The following GPRC6A variants were observed in gnomAD, a reference collection of about 807,000 sequenced individuals.
GPRC6A encodes G protein-coupled receptor family C group 6 member A.
A neutral mutation model predicts 47.0 loss-of-function variants in GPRC6A; 54 were observed. The ratio of observed to expected loss-of-function variants is 1.15; its 90% confidence interval spans 0.92 to 1.44. The LOEUF (loss-of-function observed/expected upper bound fraction) is 1.44. Among genes scored for constraint, GPRC6A ranks in the 40% most tolerant of loss-of-function variants. The pLI, the probability that GPRC6A is intolerant of heterozygous loss-of-function variation, is 0.00. For missense variants in GPRC6A, 1,112 were observed against 1,105.5 expected (o/e 1.01, Z -0.08); for synonymous variants, 347 against 377.1 (o/e 0.92, Z 0.93).
In GPRC6A at chr6:116,793,030, T is replaced by C. The variant is rs1377456953; in HGVS notation, c.1893A>G (p.Arg631=). 3.1e-6 allele frequency: 5 copies of C among 1,614,072 alleles called. No homozygotes were observed. Among genetic ancestry groups the C allele is most frequent in the Admixed American group, 1.7e-5 (1 of 59,998 alleles). ...TPVVKSSGGL[R]VCYVILLCHF... is the part of the protein sequence containing the mutation. ...GACAGAGAAGGATCACATAGCAGAC[T>C]CTTAATCCCCCGGATGATTTCACAA... The change falls in exon 6 of 6, where the codon AGA becomes AGG. Residue 631 remains arginine, a synonymous_variant. Transcript: ENST00000310357.
chr6:116,796,777 G>A (rs1407476003), intron 4 of GPRC6A, among the ~76,000 whole-genome samples: 1 of 152,134 alleles, frequency 6.6e-6, no homozygotes, highest in Non-Finnish European at 1.5e-5. Context: ...TTGCTGACCT[G>A]GGTTTTCAGC....
chr6:116,795,063 A>T (rs1041341103), intron 5 of GPRC6A, among the ~76,000 whole-genome samples: 1 of 152,152 alleles, frequency 6.6e-6, no homozygotes, highest in Admixed American at 6.5e-5. Flanking sequence ...GAAAGTGCTC[A>T]TAGTTTCTTT....
At chr6:116,804,599 ATC>A in intron 3 of GPRC6A, among the ~76,000 whole-genome samples, 1 of 152,058 alleles carries the variant, frequency 6.6e-6, no homozygotes, top group South Asian at 2.1e-4. Flanking sequence ...TTCCTTTCTA[ATC>A]TGTTTCTGTT....
chr6:116,826,219 T>C (rs1271897253), intron 1 of GPRC6A, among the ~76,000 whole-genome samples: 2 of 151,572 alleles, frequency 1.3e-5, no homozygotes, highest in African/African-American at 4.8e-5. Context: ...AAAATCTCTA[T>C]ATAGGAAAGG....
At chr6:116,820,920 TC>T (rs1401259499) in intron 1 of GPRC6A, among the ~76,000 whole-genome samples, 7 of 152,184 alleles carry the variant, frequency 4.6e-5, no homozygotes, top group African/African-American at 1.7e-4. Context: ...AATCAAATTG[TC>T]CCTGTTTGCA....
chr6:116,816,691 G>C (rs1030262932), intron 1 of GPRC6A, among the ~76,000 whole-genome samples: 1 of 152,248 alleles, frequency 6.6e-6, no homozygotes, highest in Non-Finnish European at 1.5e-5. Context: ...CACCGTGCGC[G>C]AACCGAAGCA....
chr6:116,816,678 A>G (rs777868214), intron 1 of GPRC6A, among the ~76,000 whole-genome samples: 8 of 152,240 alleles, frequency 5.3e-5, no homozygotes, highest in Non-Finnish European at 1.0e-4. Flanking sequence ...CAGTGGGTGC[A>G]CGCACCGTGC....
chr6:116,807,142 G>C lies in GPRC6A; in HGVS notation c.563C>G (p.Thr188Ser). 1 of 1,613,550 alleles carries C rather than the reference G, an allele frequency of 6.2e-7. No homozygotes were observed. ...AATTTGATGGAAGTCACTGGGCACA[G>C]TCCGTAAAAATGAAGGAAAGCGAAT... ...DKIRFPSFLR[T>S]VPSDFHQIKA... is the part of the protein sequence containing the mutation. Residue 188 changes from threonine (T) to serine (S), a missense_variant, in exon 3 of 6, where the codon ACT becomes AGT. Coordinates refer to ENST00000310357, the MANE Select transcript of GPRC6A (RefSeq NM_148963.4).
At chr6:116,800,457 G>A (rs1772635077) in intron 4 of GPRC6A, 127 bp downstream of exon 4, 1 of 501,644 alleles carries the variant, frequency 2.0e-6, no homozygotes, top group African/African-American at 2.0e-5. Flanking sequence ...ACACTGATTA[G>A]GCAGAAACTT....
In GPRC6A at chr6:116,821,496, C is replaced by T. The variant is rs1482126072; in HGVS notation, c.194+7324G>A. Reference sequence around the variant, plus strand: ...GACAGTAACCAAAACAGCATGGTACCGGTACCAAAACAGAGATATAGATCA... The same window carrying T: ...GACAGTAACCAAAACAGCATGGTACTGGTACCAAAACAGAGATATAGATCA... On this transcript the variant is annotated intron_variant, in intron 1 of 5. Coordinates refer to ENST00000310357, the MANE Select transcript of GPRC6A (RefSeq NM_148963.4). Among the ~76,000 whole-genome samples the T allele has an allele frequency of 2.0e-3, 310 of 151,548 alleles. 4 individuals are homozygous for T. The highest frequency in any genetic ancestry group is 6.0e-3 in the African/African-American group (244 of 41,000).
intron 2 of GPRC6A, among the ~76,000 whole-genome samples, chr6:116,808,275 T>C (rs929733891): frequency 3.9e-5 from 6 of 152,152 alleles, no homozygotes; most frequent in Non-Finnish European, 7.4e-5. Flanking sequence ...TTCTTAAAAT[T>C]AGTGTTACCC....
chr6:116,798,322 A>T lies in GPRC6A; in HGVS notation c.1548+2262T>A, dbSNP rs148552527. Among the ~76,000 whole-genome samples the T allele has an allele frequency of 9.4e-3, 1,431 of 152,318 alleles. 10 individuals carry two copies. Among genetic ancestry groups the T allele is most frequent in the Non-Finnish European group, 0.015 (1,020 of 68,026 alleles). On this transcript the variant is annotated intron_variant, in intron 4 of 5. Coordinates refer to ENST00000310357, the MANE Select transcript of GPRC6A (RefSeq NM_148963.4). ...AGAAAATTAACCACATGAACATCAGAGAAAATTATTATAGGCAAAGGAAAT... is the reference window on the plus strand; with the variant it reads ...AGAAAATTAACCACATGAACATCAGTGAAAATTATTATAGGCAAAGGAAAT...
At chr6:116,817,108 C>G (rs987162583) in intron 1 of GPRC6A, among the ~76,000 whole-genome samples, 10 of 152,074 alleles carry the variant, frequency 6.6e-5, no homozygotes, top group Admixed American at 3.9e-4. Flanking sequence ...AAAAAGACAG[C>G]AGTAACCTCT....
rs200871005 is a variant in GPRC6A at position 116,792,308 on chromosome 6, T to C, written c.2615A>G (p.Asp872Gly). Residue 872 changes from aspartate to glycine, a missense_variant, in exon 6 of 6, where the codon GAC becomes GGC. Coordinates refer to ENST00000310357, the MANE Select transcript of GPRC6A (RefSeq NM_148963.4). ...CATTGTGACATTGCCGCTCATGGAGTCCAGTGAAGCAGGACTCAGGGCAAT... is the reference window on the plus strand; with the variant it reads ...CATTGTGACATTGCCGCTCATGGAGCCCAGTGAAGCAGGACTCAGGGCAAT... ...SSIALSPASL[D>G]SMSGNVTMTN... 1.2e-5 allele frequency: 20 copies of C among 1,613,934 alleles called. No homozygotes were observed. In the East Asian group the frequency reaches 4.2e-4, roughly 34 times the overall value.
At chr6:116,814,718 G>T (rs1773148415) in intron 1 of GPRC6A, among the ~76,000 whole-genome samples, 1 of 151,782 alleles carries the variant, frequency 6.6e-6, no homozygotes, top group Non-Finnish European at 1.5e-5. Flanking sequence ...AAACCTGCAA[G>T]TTGTGCACAT....
chr6:116,819,040 A>C (rs1427246802), intron 1 of GPRC6A, among the ~76,000 whole-genome samples: 2 of 152,178 alleles, frequency 1.3e-5, no homozygotes, highest in African/African-American at 4.8e-5. Context: ...AAAACAAAAA[A>C]AGGCAGGGGT....
chr6:116,827,093 G>C (rs563993077), intron 1 of GPRC6A, among the ~76,000 whole-genome samples: 2 of 151,676 alleles, frequency 1.3e-5, no homozygotes, highest in Non-Finnish European at 2.9e-5. Context: ...TAGGTTAGTG[G>C]GTATAAACAT....
chr6:116,802,586 T>A (rs1468407623), intron 3 of GPRC6A, among the ~76,000 whole-genome samples: 1 of 152,130 alleles, frequency 6.6e-6, no homozygotes, highest in Non-Finnish European at 1.5e-5. Flanking sequence ...GAAAGAGGTA[T>A]CTTCATGGCT....
At chr6:116,822,878 A>T (rs1206781129) in intron 1 of GPRC6A, among the ~76,000 whole-genome samples, 1 of 147,132 alleles carries the variant, frequency 6.8e-6, no homozygotes, top group Non-Finnish European at 1.5e-5. Flanking sequence ...AAAAAGAAAC[A>T]ATTACTAGTC....
Sources: allele counts gnomAD v4.1 joint callset (sites outside exome capture counted in the v4.1 genomes callset), GRCh38; gene constraint gnomAD v4.1.1; transcripts MANE v1.5; gene names NCBI Gene and HGNC (gene_info 2026-07-23, HGNC 2026-07-21).